Variants in PTPRO observed in about 807,000 individuals in gnomAD.
PTPRO encodes receptor-type tyrosine-protein phosphatase O.
In PTPRO, 62 loss-of-function variants were observed where a neutral mutation model predicts 145.2. The observed-to-expected ratio is 0.43, with a 90% confidence interval of 0.35 to 0.53. PTPRO has a LOEUF of 0.53. PTPRO is among the 20% of genes least tolerant of loss of function. PTPRO has a pLI of 0.01. For missense variants in PTPRO, 1,345 were observed against 1,482.7 expected, an observed-to-expected ratio of 0.91 and a Z score of 1.53; for synonymous variants, 565 against 514.7, an observed-to-expected ratio of 1.10 and a Z score of -1.32.
intron 1 of PTPRO, among the ~76,000 whole-genome samples, chr12:15,392,082 G>A (rs1199321344): frequency 6.6e-6 from 1 of 152,174 alleles, no homozygotes; most frequent in Non-Finnish European, 1.5e-5. Context: ...CAAGTGGGCT[G>A]TGTGTTTATA....
chr12:15,567,525 G>A (rs1045619349), intron 18 of PTPRO, among the ~76,000 whole-genome samples: 2 of 151,168 alleles, frequency 1.3e-5, no homozygotes, highest in African/African-American at 4.9e-5. Context: ...TTTTCCCTCT[G>A]CTTCTTGCTT....
chr12:15,393,217 A>T (rs952152549), intron 1 of PTPRO, among the ~76,000 whole-genome samples: 1 of 151,704 alleles, frequency 6.6e-6, no homozygotes, highest in Non-Finnish European at 1.5e-5. Flanking sequence ...ACTAACATGA[A>T]AAAAAAAATC....
chr12:15,338,078 G>C (rs1866827482), intron 1 of PTPRO, among the ~76,000 whole-genome samples: 3 of 152,144 alleles, frequency 2.0e-5, no homozygotes, highest in Admixed American at 2.0e-4. Context: ...ATCTGTATAT[G>C]CTCTATGAGA....
intron 1 of PTPRO, among the ~76,000 whole-genome samples, chr12:15,365,259 A>T (rs1245704694): frequency 2.0e-5 from 3 of 152,080 alleles, no homozygotes; most frequent in Non-Finnish European, 4.4e-5. Flanking sequence ...TTTCTCCCAT[A>T]TTTGGCCAGT....
chr12:15,554,418 A>G (rs1018824787), intron 15 of PTPRO, among the ~76,000 whole-genome samples: 17 of 151,518 alleles, frequency 1.1e-4, no homozygotes, highest in African/African-American at 4.1e-4. Flanking sequence ...GTGTGTGTAT[A>G]TATATATATA....
rs942643908 is a variant in PTPRO at position 15,597,247 on chromosome 12, A to T, written c.*1174A>T. 2 of 152,208 alleles carry T rather than the reference A, an allele frequency of 1.3e-5. No homozygotes were observed. The highest frequency in any genetic ancestry group is 2.9e-5 in the Non-Finnish European group (2 of 68,036). 9.4% of individuals were successfully genotyped at this position (152,208 alleles called of 1,614,324 possible). A position where few individuals can be genotyped will look rare whatever the true frequency, so the allele number is the denominator to read the frequency against. ...ACAGTACATGATTGTGTATTGTGAC[A>T]TGAATGCTGTCAAAATGACATTGAT... On this transcript the variant is annotated 3_prime_UTR_variant, in exon 27 of 27. Coordinates refer to ENST00000281171, the MANE Select transcript of PTPRO (RefSeq NM_030667.3).
chr12:15,560,424 T>C (rs1360803625), intron 17 of PTPRO, 148 bp downstream of exon 17: 4 of 676,850 alleles, frequency 5.9e-6, no homozygotes, highest in Non-Finnish European at 1.0e-5. Flanking sequence ...ATTAAAGCAG[T>C]TACCGGTACA....
chr12:15,392,306 C>T (rs1403484434), intron 1 of PTPRO, among the ~76,000 whole-genome samples: 2 of 152,152 alleles, frequency 1.3e-5, no homozygotes, highest in Non-Finnish European at 2.9e-5. Flanking sequence ...GAAACTGAGT[C>T]TAATATAATC....
At chr12:15,361,617 G>A (rs1303994194) in intron 1 of PTPRO, among the ~76,000 whole-genome samples, 1 of 152,074 alleles carries the variant, frequency 6.6e-6, no homozygotes, top group Non-Finnish European at 1.5e-5. Context: ...TCAAATAAAT[G>A]TTACCAAGTG....
At chr12:15,447,990 G>A (rs1321720289) in intron 1 of PTPRO, among the ~76,000 whole-genome samples, 2 of 152,058 alleles carry the variant, frequency 1.3e-5, no homozygotes, top group Non-Finnish European at 2.9e-5. Context: ...AATTGCTTCT[G>A]TTATCATTGA....
chr12:15,373,195 A>G (rs1161727425), intron 1 of PTPRO, among the ~76,000 whole-genome samples: 1 of 152,232 alleles, frequency 6.6e-6, no homozygotes, highest in Non-Finnish European at 1.5e-5. Flanking sequence ...ACAGAAACAA[A>G]CATAAATATG....
At chr12:15,323,951 C>A (rs191868886) in intron 1 of PTPRO, among the ~76,000 whole-genome samples, 71 of 152,180 alleles carry the variant, frequency 4.7e-4, no homozygotes, top group African/African-American at 1.6e-3. Context: ...AAAAAAAATT[C>A]AGGGAGAAAC....
At chr12:15,583,702 C>T (rs1357829117) in intron 23 of PTPRO, among the ~76,000 whole-genome samples, 1 of 152,094 alleles carries the variant, frequency 6.6e-6, no homozygotes, top group African/African-American at 2.4e-5. Context: ...AAAATATTTA[C>T]TAACTGTCTC....
At chr12:15,549,497 G>T (rs1943396285) in intron 14 of PTPRO, among the ~76,000 whole-genome samples, 1 of 152,106 alleles carries the variant, frequency 6.6e-6, no homozygotes. Context: ...CTTAGTATAT[G>T]CTGTCTAAAT....
At chr12:15,384,529 A>G (rs933938042) in intron 1 of PTPRO, among the ~76,000 whole-genome samples, 3 of 152,160 alleles carry the variant, frequency 2.0e-5, no homozygotes, top group Admixed American at 2.0e-4. Context: ...CATGGCAGAG[A>G]TAGAGACTTC....
intron 1 of PTPRO, among the ~76,000 whole-genome samples, chr12:15,477,782 A>G (rs1398782865): frequency 2.6e-5 from 4 of 152,158 alleles, no homozygotes; most frequent in Non-Finnish European, 4.4e-5. Flanking sequence ...TGTCCATCAT[A>G]AGCACACATT....
At position 15,554,234 on chromosome 12, in the gene PTPRO, C is replaced by G. The variant is rs372001870; in HGVS notation, c.2558+2563C>G. Reference sequence around the variant, plus strand: ...CTAACTCCTGGGTTTTTGGCCCAAGCACTTGAAAGGATGGAGCTGCCATCA... The same window carrying G: ...CTAACTCCTGGGTTTTTGGCCCAAGGACTTGAAAGGATGGAGCTGCCATCA... On this transcript the variant is annotated intron_variant, in intron 15 of 26. Coordinates refer to ENST00000281171, the MANE Select transcript of PTPRO (RefSeq NM_030667.3). 2.0e-5 allele frequency among the ~76,000 whole-genome samples: 3 copies of G among 152,172 alleles called. No individual in the cohort carries two copies. The East Asian group carries it at 5.8e-4, about 29-fold the overall frequency.
chr12:15,545,428 C>G (rs1446380233), intron 12 of PTPRO, among the ~76,000 whole-genome samples: 1 of 151,000 alleles, frequency 6.6e-6, no homozygotes, highest in East Asian at 2.0e-4. Context: ...GCACAGCACT[C>G]TGCATACTGG....
At chr12:15,515,736 C>T in intron 8 of PTPRO, 118 bp downstream of exon 8, 1 of 1,276,870 alleles carries the variant, frequency 7.8e-7, no homozygotes, top group Non-Finnish European at 1.1e-6. Context: ...TTAGTTCATC[C>T]AATATGCTAC....
Sources: allele counts gnomAD v4.1 joint callset (sites outside exome capture counted in the v4.1 genomes callset), GRCh38; gene constraint gnomAD v4.1.1; transcripts MANE v1.5; gene names NCBI Gene and HGNC (gene_info 2026-07-23, HGNC 2026-07-21).